Variants in MYH3 observed in about 807,000 individuals in gnomAD.
MYH3 encodes myosin-3.
MYH3 carries 130 observed loss-of-function variants against 238.0 expected under a neutral mutation model. The observed-to-expected ratio is 0.55, with a 90% CI of 0.47 to 0.63. The LOEUF is 0.63. Ranked by LOEUF, MYH3 falls within the 30% of genes least tolerant of loss-of-function variation. The pLI, the probability that MYH3 is intolerant of heterozygous loss-of-function variation, is 0.00. For synonymous variants in MYH3, 880 were observed against 924.1 expected (o/e 0.95, Z 0.86); for missense variants, 1,853 against 2,374.9 (o/e 0.78, Z 4.57).
At chr17:10,645,622 T>G (rs1360305608) in intron 12 of MYH3, 85 bp downstream of exon 12, 1 of 1,551,724 alleles carries the variant, frequency 6.4e-7, no homozygotes, top group East Asian at 2.3e-5. Flanking sequence ...TGTGCCTGGC[T>G]GGATTAATTG....
At chr17:10,638,996 A>T (rs1168391783) in intron 25 of MYH3, 33 bp from the exon 26 acceptor site, 9 of 1,614,056 alleles carry the variant, frequency 5.6e-6, no homozygotes, top group Non-Finnish European at 7.6e-6. Context: ...CATGAAGACA[A>T]AATACACAGT....
At chr17:10,633,486 G>A in intron 33 of MYH3, 105 bp downstream of exon 33, 1 of 1,472,554 alleles carries the variant, frequency 6.8e-7, no homozygotes, top group Non-Finnish European at 9.4e-7. Context: ...TTAGGACTGT[G>A]ATTTGACAAA....
chr17:10,631,216 G>A (rs1037727414), intron 36 of MYH3, among the ~76,000 whole-genome samples: 1 of 152,186 alleles, frequency 6.6e-6, no homozygotes, highest in African/African-American at 2.4e-5. Flanking sequence ...AAATCGCTTC[G>A]AGGTAAAGTT....
chr17:10,629,182 C>T (rs774553722), intron 40 of MYH3, among the ~76,000 whole-genome samples: 2 of 152,002 alleles, frequency 1.3e-5, no homozygotes, highest in Non-Finnish European at 2.9e-5. Context: ...CCCCTTGCCG[C>T]CCCCACCCCC....
At chr17:10,671,140 C>T in the MYH3 span, among the ~76,000 whole-genome samples, 6 of 152,236 alleles carry the variant, frequency 3.9e-5, no homozygotes, top group Admixed American at 6.5e-5. Flanking sequence ...GTGATCCGCC[C>T]GCCTTGGCTC....
At chr17:10,662,824 C>T in the MYH3 span, among the ~76,000 whole-genome samples, 66 of 152,160 alleles carry the variant, frequency 4.3e-4, 1 homozygote, top group African/African-American at 1.4e-3. Flanking sequence ...CAGTGGCTGA[C>T]GCCTGTAACC....
In MYH3 at chr17:10,634,050, C is replaced by T. The variant is rs776498126; in HGVS notation, c.4489G>A (p.Glu1497Lys). Reference sequence around the variant, plus strand: ...TTCTTATTTTCCCGTTTCACAGTTTCAAGTTGATCTAAGGCTTCCTCGTAG... The same window carrying T: ...TTCTTATTTTCCCGTTTCACAGTTTTAAGTTGATCTAAGGCTTCCTCGTAG... ...NAYEEALDQL[E>K]TVKRENKNLE... is the part of the protein sequence containing the mutation. The change falls in exon 32 of 41, where the codon GAA (glutamate) becomes AAA (lysine). Residue 1497 changes from glutamate (E) to lysine (K), a missense_variant. By Grantham distance (56) the Glu-to-Lys change is moderately conservative (BLOSUM62 1). This residue lies in a region of MYH3 where 1,044 missense variants were observed against 1,192.6 expected (regional missense o/e 0.88). Transcript: ENST00000583535. 4 of 1,614,072 alleles carry T rather than the reference C, an allele frequency of 2.5e-6. No homozygotes were observed. In the African/African-American group the frequency reaches 5.3e-5, roughly 22 times the overall value.
At chr17:10,661,502 C>T (rs1490861820), upstream of MYH3, among the ~76,000 whole-genome samples, 1 of 152,052 alleles carries the variant, frequency 6.6e-6, no homozygotes, top group East Asian at 1.9e-4. Context: ...AGCCATCACA[C>T]AGCCAGGGAT....
chr17:10,654,755 G>T lies in MYH3; in HGVS notation c.204+106C>A. The T allele has an allele frequency of 1.9e-6, 2 of 1,062,126 alleles. No homozygotes were observed. Among genetic ancestry groups the T allele is most frequent in the Non-Finnish European group, 1.5e-6 (1 of 677,102 alleles). The allele number at this position is 1,062,126 out of a possible 1,614,324, so 65.8% of individuals were successfully genotyped here. On this transcript the variant is annotated intron_variant, in intron 3 of 40. Coordinates refer to ENST00000583535, the MANE Select transcript of MYH3 (RefSeq NM_002470.4). The surrounding 1 kb of genome is among the most constrained non-coding windows in gnomAD (Gnocchi z 4.5). Reference sequence around the variant, plus strand: ...GCTACATTGTATGCGGCATTCCAGTGCTGGAACCACATCTGGAAGTGGCTG... The same window carrying T: ...GCTACATTGTATGCGGCATTCCAGTTCTGGAACCACATCTGGAAGTGGCTG...
chr17:10,647,033 G>C (rs2074328571), intron 10 of MYH3, 149 bp downstream of exon 10: 1 of 689,286 alleles, frequency 1.5e-6, no homozygotes, highest in Non-Finnish European at 2.5e-6. Flanking sequence ...CTGGGCATCA[G>C]AGTGAGACCC....
intron 17 of MYH3, 141 bp from the exon 18 acceptor site, chr17:10,641,513 T>A: frequency 1.2e-5 from 1 of 81,568 alleles, no homozygotes; most frequent in Non-Finnish European, 4.3e-5. Flanking sequence ...TCTGTCTTTT[T>A]TTTTTTTTTT....
At chr17:10,665,201 G>A in the MYH3 span, among the ~76,000 whole-genome samples, 1 of 152,004 alleles carries the variant, frequency 6.6e-6, no homozygotes, top group African/African-American at 2.4e-5. Flanking sequence ...GGAGTGCAGT[G>A]GCACGATCTT....
chr17:10,663,065 TGA>T, the MYH3 span, among the ~76,000 whole-genome samples: 15 of 152,074 alleles, frequency 9.9e-5, no homozygotes, highest in African/African-American at 3.6e-4. Context: ...CCAGCCTGGG[TGA>T]GAGAGTGAGA....
chr17:10,649,615 T>A lies in MYH3; in HGVS notation c.604A>T (p.Thr202Ser), dbSNP rs1200115190. 1 of 1,614,252 alleles carries A rather than the reference T, an allele frequency of 6.2e-7. No homozygotes were observed. The highest frequency in any genetic ancestry group is 1.3e-5 in the African/African-American group (1 of 75,072). ...TCCTTCTTCTTGGCCAGGTCCCCAGTAGCTGCAATTGTTGCAAAGTACTGG... is the reference window on the plus strand; with the variant it reads ...TCCTTCTTCTTGGCCAGGTCCCCAGAAGCTGCAATTGTTGCAAAGTACTGG... ...VIQYFATIAA[T>S]GDLAKKKDSK... is the part of the protein sequence containing the mutation. Residue 202 changes from threonine (T) to serine (S), a missense_variant, in exon 7 of 41, where the codon ACT becomes TCT. Transcript: ENST00000583535.
chr17:10,642,526 A>G lies in MYH3; in HGVS notation c.1779T>C (p.Gly593=). 1 of 1,614,220 alleles carries G rather than the reference A, an allele frequency of 6.2e-7. No homozygotes were observed. The highest frequency in any genetic ancestry group is 8.5e-7 in the Non-Finnish European group (1 of 1,180,044). The change falls in exon 16 of 41, where the codon GGT becomes GGC. Residue 593 remains glycine (G), a synonymous_variant. Transcript: ENST00000583535. The surrounding 1 kb of genome is among the most constrained non-coding windows in gnomAD (Gnocchi z 5.4). The part of the protein sequence containing the change: ...YAGTVDYSVS[G]WLEKNKDPLN... ...GAGGGTCCTTGTTCTTCTCCAGCCA[A>G]CCTGAGACACTGTAGTCCACGGTGC...
intron 12 of MYH3, among the ~76,000 whole-genome samples, chr17:10,645,295 G>A (rs777897597): frequency 9.2e-5 from 14 of 152,112 alleles, no homozygotes; most frequent in African/African-American, 2.9e-4. Context: ...AGCCAGGCGC[G>A]GTGGTGTGTG....
At chr17:10,676,756 G>A in the MYH3 span, 46 of 152,298 alleles carry the variant, frequency 3.0e-4, no homozygotes, top group African/African-American at 1.1e-3. Context: ...TGGAACAACA[G>A]TGATTGAAAA....
In MYH3 at chr17:10,629,724, G is replaced by C. The variant is rs886052578; in HGVS notation, c.5669C>G (p.Ala1890Gly). 4 of 1,614,072 alleles carry C rather than the reference G, an allele frequency of 2.5e-6. No individual in the cohort carries two copies. The African/African-American group carries it at 5.3e-5, about 22-fold the overall frequency. Residue 1890 changes from alanine to glycine, a missense_variant, in exon 40 of 41, where the codon GCC becomes GGC. This residue lies in a region of MYH3 where 1,044 missense variants were observed against 1,192.6 expected (regional missense o/e 0.88). Coordinates refer to ENST00000583535, the MANE Select transcript of MYH3 (RefSeq NM_002470.4). ...TCGGAATTTGGTGAGATGAGCATTG[G>C]CTTGTTCATCCTAAAACCAAAGAGC... ...KRQAEEADEQ[A>G]NAHLTKFRKA...
Position 10,655,073 on chromosome 17 carries a change from C to A in MYH3, c.-8-1G>T, listed in dbSNP as rs372322359. 1.2e-6 allele frequency: 2 copies of A among 1,613,836 alleles called. No homozygotes were observed. Among genetic ancestry groups the A allele is most frequent in the African/African-American group, 2.7e-5 (2 of 74,906 alleles). On this transcript the variant is annotated splice_acceptor_variant, in intron 2 of 40. Coordinates refer to ENST00000583535, the MANE Select transcript of MYH3 (RefSeq NM_002470.4). LOFTEE classifies it low-confidence loss of function (5UTR_SPLICE). ...TCAGTGTCACTACTCATGGTGTCAG[C>A]TGGAAGGCAAACCCACCCGGTGAGC... is the stretch of plus-strand genomic sequence containing the variant.
Sources: allele counts gnomAD v4.1 joint callset (sites outside exome capture counted in the v4.1 genomes callset), GRCh38; gene constraint gnomAD v4.1.1; regional missense constraint gnomAD v4.1.1; non-coding constraint Gnocchi (gnomAD v3.1); transcripts MANE v1.5; gene names NCBI Gene and HGNC (gene_info 2026-07-23, HGNC 2026-07-21).